MCF2L2: variants seen among roughly 807,000 people sequenced by gnomAD.
MCF2L2 encodes MCF.2 cell line derived transforming sequence-like 2.
A neutral mutation model predicts 150.2 loss-of-function variants in MCF2L2; 102 were observed. That is an observed-to-expected ratio of 0.68 (90% CI 0.58 to 0.80). The LOEUF is 0.80. Ranked by LOEUF, MCF2L2 falls within the 30% of genes least tolerant of loss-of-function variation. The pLI is 0.00. For missense variants in MCF2L2, 1,256 were observed against 1,372.8 expected (o/e 0.91, Z 1.34); for synonymous variants, 465 against 491.3 (o/e 0.95, Z 0.71).
intron 14 of MCF2L2, among the ~76,000 whole-genome samples, chr3:183,279,418 G>A (rs1412837598): frequency 6.6e-6 from 1 of 152,248 alleles, no homozygotes; most frequent in East Asian, 1.9e-4. Context: ...AGCAATTGCT[G>A]CCATATTTCT....
At chr3:183,412,212 T>C (rs992730788) in intron 1 of MCF2L2, among the ~76,000 whole-genome samples, 1 of 152,198 alleles carries the variant, frequency 6.6e-6, no homozygotes, top group Admixed American at 6.5e-5. Flanking sequence ...AATGGGAGCA[T>C]GTAGAGCCCC....
intron 3 of MCF2L2, among the ~76,000 whole-genome samples, chr3:183,369,069 A>T (rs909119872): frequency 2.6e-5 from 4 of 152,236 alleles, no homozygotes; most frequent in Non-Finnish European, 5.9e-5. Flanking sequence ...AATAGTAAAA[A>T]GTCACTTAAT....
chr3:183,326,699 A>G (rs983539638), intron 5 of MCF2L2, among the ~76,000 whole-genome samples: 2 of 41,932 alleles, frequency 4.8e-5, no homozygotes, highest in African/African-American at 2.5e-4. Flanking sequence ...GGAATTTGAT[A>G]TGCTTATAAT....
chr3:183,227,992 G>C lies in MCF2L2; in HGVS notation c.2115+305C>G. The C allele has an allele frequency of 6.2e-6, 1 of 162,274 alleles. No individual in the cohort carries two copies. 10.1% of individuals were successfully genotyped at this position (162,274 alleles called of 1,614,324 possible). ...CTGGCAACCACCCTTCTACTTCAAT[G>C]AGCTCAACTGTTTTTGGATTATATA... is the stretch of plus-strand genomic sequence containing the variant. On this transcript the variant is annotated intron_variant, in intron 18 of 29. Transcript: ENST00000328913. This position sits in a 1 kb window ranked among gnomAD's most constrained non-coding sequence, Gnocchi z 4.0.
chr3:183,189,546 C>T (rs1379909941), intron 27 of MCF2L2, among the ~76,000 whole-genome samples: 1 of 152,190 alleles, frequency 6.6e-6, no homozygotes, highest in Non-Finnish European at 1.5e-5. Context: ...CAGGCCCTAG[C>T]CCTACTGGCA....
Position 183,290,025 on chromosome 3 carries a change from A to G in MCF2L2, c.1676-805T>C, listed in dbSNP as rs543920895. The stretch of plus-strand genomic sequence containing the variant: ...ATTCAAAGACTAAATTCTAGGTACT[A>G]CATTGTATTGAATATATTTTCCATT... On this transcript the variant is annotated intron_variant, in intron 13 of 29. Coordinates refer to ENST00000328913, the MANE Select transcript of MCF2L2 (RefSeq NM_015078.4). Among the ~76,000 whole-genome samples the G allele has an allele frequency of 2.6e-5, 4 of 152,344 alleles. No individual in the cohort carries two copies. The South Asian group carries it at 8.3e-4, about 32-fold the overall frequency.
rs1721536794 is a variant in MCF2L2, at chr3:183,181,916, G to A, written c.3017-1757C>T. Among the ~76,000 whole-genome samples, 1 of 152,190 alleles carries A rather than the reference G, an allele frequency of 6.6e-6. No homozygotes were observed. The highest frequency in any genetic ancestry group is 2.4e-5 in the African/African-American group (1 of 41,440). ...CCTGACAAGCTCTAGCCCCTCCGCA[G>A]GGTAAGTGGTACCTCCAGGTAAAAT... On this transcript the variant is annotated intron_variant, in intron 27 of 29. Transcript: ENST00000328913. This position sits in a 1 kb window ranked among gnomAD's most constrained non-coding sequence, Gnocchi z 4.3.
chr3:183,368,763 C>T (rs1173570486), intron 3 of MCF2L2, among the ~76,000 whole-genome samples: 1 of 152,124 alleles, frequency 6.6e-6, no homozygotes, highest in Non-Finnish European at 1.5e-5. Context: ...ACAAACAAAA[C>T]AAAACAAAAG....
chr3:183,291,384 C>T (rs75684928), intron 13 of MCF2L2, among the ~76,000 whole-genome samples: 3,047 of 152,270 alleles, frequency 0.02, 58 homozygotes, highest in East Asian at 0.051. Flanking sequence ...AGAAATCCTA[C>T]AGTAAAGGGC....
Position 183,355,619 on chromosome 3 carries a change from T to TTC in MCF2L2, c.276-13990_276-13989insGA, listed in dbSNP as rs1340356997. On this transcript the variant is annotated intron_variant, in intron 3 of 29. Transcript: ENST00000328913. ...CCGCCACCACGCCCAGCTAATTTTT[T>TTC]TTTTTTTTTTTTTTTTTTTGGTATT... is the stretch of plus-strand genomic sequence containing the variant. Among the ~76,000 whole-genome samples the TTC allele has an allele frequency of 1.5e-4, 22 of 142,122 alleles. 1 individual carries two copies. Among genetic ancestry groups the TTC allele is most frequent in the African/African-American group, 5.9e-4 (22 of 37,300 alleles). 93.2% of individuals were successfully genotyped at this position (142,122 alleles called of 152,430 possible).
intron 26 of MCF2L2, among the ~76,000 whole-genome samples, chr3:183,194,593 A>C (rs1371481860): frequency 6.6e-6 from 1 of 152,146 alleles, no homozygotes. Context: ...TCAAGAAAAC[A>C]GCCAAAAGCA....
chr3:183,230,200 G>A (rs187394869), intron 16 of MCF2L2, among the ~76,000 whole-genome samples: 2 of 152,004 alleles, frequency 1.3e-5, no homozygotes, highest in South Asian at 2.1e-4. Flanking sequence ...TGCAACCTCC[G>A]CCTCCTGGGT....
chr3:183,355,704 G>A (rs1360446959), intron 3 of MCF2L2, among the ~76,000 whole-genome samples: 1 of 144,962 alleles, frequency 6.9e-6, no homozygotes, highest in Non-Finnish European at 1.5e-5. Flanking sequence ...CTGACCTCGT[G>A]ATCCGCCTGC....
At chr3:183,293,251 G>C (rs1352988603) in intron 13 of MCF2L2, among the ~76,000 whole-genome samples, 2 of 152,228 alleles carry the variant, frequency 1.3e-5, no homozygotes, top group Non-Finnish European at 2.9e-5. Context: ...TAGAGGTAAG[G>C]AGGGAAGGAG....
intron 3 of MCF2L2, among the ~76,000 whole-genome samples, chr3:183,367,826 A>C (rs1712630447): frequency 6.6e-6 from 1 of 152,230 alleles, no homozygotes; most frequent in African/African-American, 2.4e-5. Context: ...GGTGAGAGAA[A>C]GCATCATAAT....
intron 15 of MCF2L2, among the ~76,000 whole-genome samples, chr3:183,232,619 A>G (rs1723610663): frequency 6.6e-6 from 1 of 152,216 alleles, no homozygotes; most frequent in African/African-American, 2.4e-5. Context: ...CTCCTAGAAA[A>G]TGATTTGTTT....
At chr3:183,376,317 A>G (rs1195636797) in intron 3 of MCF2L2, 1 of 152,238 alleles carries the variant, frequency 6.6e-6, no homozygotes, top group African/African-American at 2.4e-5. Context: ...CATTTAACTT[A>G]GCATTTGACT....
intron 25 of MCF2L2, among the ~76,000 whole-genome samples, chr3:183,200,033 C>T (rs1722219182): frequency 6.6e-6 from 1 of 152,130 alleles, no homozygotes; most frequent in Admixed American, 6.5e-5. Flanking sequence ...CATTGATGGA[C>T]ATTTGGGTTG....
chr3:183,262,741 G>A (rs1045834898), intron 15 of MCF2L2, among the ~76,000 whole-genome samples: 1 of 151,626 alleles, frequency 6.6e-6, no homozygotes, highest in African/African-American at 2.4e-5. Context: ...GCCTGGGAGG[G>A]GGAGATTTAG....
Sources: gnomAD v4.1 joint callset for allele counts (sites outside exome capture counted in the v4.1 genomes callset) on GRCh38, gnomAD v4.1.1 for gene constraint, Gnocchi (gnomAD v3.1) non-coding constraint, MANE v1.5 for transcripts, NCBI Gene and HGNC (gene_info 2026-07-23, HGNC 2026-07-21) for gene names.